Variants in EIF2D observed in about 807,000 individuals in gnomAD.
EIF2D encodes the protein hepatocellular carcinoma-associated antigen 56.
EIF2D carries 56 observed loss-of-function variants against 77.4 expected under a neutral mutation model. The ratio of observed to expected loss-of-function variants is 0.72; its 90% CI spans 0.58 to 0.90. The LOEUF (loss-of-function observed/expected upper bound fraction) is 0.90, where lower values mean the gene tolerates loss of function less well. EIF2D is among the 40% of genes least tolerant of loss of function. The pLI is 0.00. For missense variants in EIF2D, 574 were observed against 706.5 expected (o/e 0.81, Z 2.13); for synonymous variants, 230 against 271.0 (o/e 0.85, Z 1.49).
downstream of EIF2D, chr1:206,588,313 A>G (rs1450653019): frequency 2.0e-5 from 3 of 152,530 alleles, no homozygotes; most frequent in Non-Finnish European, 4.4e-5. Context: ...TTTGACTCCA[A>G]TCAGTGATAC....
At position 206,599,648 on chromosome 1, in the gene EIF2D, T is replaced by C. The variant is rs782641562; in HGVS notation, c.1053-36A>G. ...GCAGAAGGAAAGAAAAAACACATTT[T>C]ATACTAGCATCTCAGCAATCCCCAG... On this transcript the variant is annotated intron_variant, in intron 9 of 14. Transcript: ENST00000271764. This position sits in a 1 kb window ranked among gnomAD's most constrained non-coding sequence, Gnocchi z 4.1. The C allele has an allele frequency of 6.2e-7, 1 of 1,605,412 alleles. No homozygotes were observed. The highest frequency in any genetic ancestry group is 1.1e-5 in the South Asian group (1 of 90,210).
intron 11 of EIF2D, 30 bp from the exon 12 acceptor site, chr1:206,597,225 T>C: frequency 3.8e-6 from 6 of 1,559,530 alleles, no homozygotes; most frequent in Non-Finnish European, 4.4e-6. Context: ...AATGAAGAAA[T>C]CCTAGACTTG....
At chr1:206,577,671 G>T (rs188620218) in intron 4 of EIF2D, among the ~76,000 whole-genome samples, 5 of 152,328 alleles carry the variant, frequency 3.3e-5, no homozygotes, top group Admixed American at 3.3e-4. Flanking sequence ...GACAAGACAG[G>T]CGTGGGTGCT....
intron 2 of EIF2D, among the ~76,000 whole-genome samples, chr1:206,610,535 T>A (rs1553413675): frequency 6.6e-6 from 1 of 151,286 alleles, no homozygotes; most frequent in Non-Finnish European, 1.5e-5. Context: ...ATATATATAT[T>A]TTTGGCCAGG....
chr1:206,583,621 T>C (rs1319048487), intron 2 of EIF2D: 1 of 488,408 alleles, frequency 2.0e-6, no homozygotes, highest in East Asian at 3.8e-5. Context: ...CTCTTTTAAC[T>C]CCTCCTCTGA....
At position 206,612,313 on chromosome 1, in the gene EIF2D, G is replaced by A. The variant is rs1670541847; in HGVS notation, c.30C>T (p.Ser10=). The change falls in exon 1 of 15, where the codon TCC becomes TCT. Residue 10 remains serine, a synonymous_variant. Transcript: ENST00000271764. MFAKAFRVK[S]NTAIKGSDRR... ...TGTCCGACCCCTTGATGGCCGTGTT[G>A]GACTTGACCCGAAAGGCCTTGGCAA... is the stretch of plus-strand genomic sequence containing the variant. 2 of 1,614,246 alleles carry A rather than the reference G, an allele frequency of 1.2e-6. No individual in the cohort carries two copies. Among genetic ancestry groups the A allele is most frequent in the Non-Finnish European group, 1.7e-6 (2 of 1,180,040 alleles).
Position 206,603,146 on chromosome 1 carries a change from C to G in EIF2D, c.589G>C (p.Asp197His). 6.2e-7 allele frequency: 1 copy of G among 1,614,158 alleles called. No homozygotes were observed. Among genetic ancestry groups the G allele is most frequent in the Non-Finnish European group, 8.5e-7 (1 of 1,180,046 alleles). Residue 197 changes from aspartate (D) to histidine (H), a missense_variant, in exon 6 of 15, where the codon GAT becomes CAT. Transcript: ENST00000271764. ...SIAPLALDSA[D>H]LSEEKGSVQM... ...ACAGACCCCTTCTCTTCACTGAGAT[C>G]TGCTGAATCCAGGGCCAGTGGAGCA... is the stretch of plus-strand genomic sequence containing the variant.
At chr1:206,600,429 T>G (rs1440008777) in intron 7 of EIF2D, 121 bp from the exon 8 acceptor site, 1 of 840,158 alleles carries the variant, frequency 1.2e-6, no homozygotes, top group Non-Finnish European at 1.9e-6. Flanking sequence ...GAGGCCACTG[T>G]GCCAGAACTC....
intron 4 of EIF2D, chr1:206,572,846 C>T (rs575319442): frequency 1.3e-5 from 2 of 151,888 alleles, no homozygotes; most frequent in South Asian, 4.2e-4. Context: ...GCCCTTGGCC[C>T]CAAAGACAAA....
chr1:206,578,243 T>G (rs949930575), intron 4 of EIF2D, among the ~76,000 whole-genome samples: 8 of 150,072 alleles, frequency 5.3e-5, no homozygotes, highest in Admixed American at 1.3e-4. Context: ...AGTGTGTGTG[T>G]GTGTGTGTGT....
At chr1:206,600,773 G>A (rs1553411158) in intron 7 of EIF2D, 1 of 155,764 alleles carries the variant, frequency 6.4e-6, no homozygotes, top group African/African-American at 2.4e-5. Context: ...GGGCAGCCAG[G>A]CCTGGAGTGG....
In EIF2D at chr1:206,607,728, T is replaced by A. The variant is rs143023673; in HGVS notation, c.422+508A>T. ...ACAAAAAAGGTCACAAACAGGAGAC[T>A]AAGGAGACATGACAACTAAATGGAA... On this transcript the variant is annotated intron_variant, in intron 4 of 14. Coordinates refer to ENST00000271764, the MANE Select transcript of EIF2D (RefSeq NM_006893.3). Among the ~76,000 whole-genome samples the A allele has an allele frequency of 2.6e-5, 4 of 152,096 alleles. No homozygotes were observed. In the East Asian group the frequency reaches 7.7e-4, roughly 29 times the overall value.
chr1:206,585,373 T>A (rs782557253), intron 2 of EIF2D: 1 of 1,034,024 alleles, frequency 9.7e-7, no homozygotes, highest in Non-Finnish European at 1.5e-6. Flanking sequence ...CCTAACTACC[T>A]CACATAGGTG....
downstream of EIF2D, among the ~76,000 whole-genome samples, chr1:206,569,947 G>A (rs144004774): frequency 2.0e-5 from 3 of 152,210 alleles, no homozygotes; most frequent in African/African-American, 7.2e-5. Context: ...CTCCTCGCTT[G>A]GAATACAGAA....
downstream of EIF2D, among the ~76,000 whole-genome samples, chr1:206,590,428 A>G (rs1261843809): frequency 6.6e-6 from 1 of 152,244 alleles, no homozygotes; most frequent in Non-Finnish European, 1.5e-5. Context: ...AACTTTGCAC[A>G]GTGCTATATT....
chr1:206,573,276 CAAT>C (rs1668516105), intron 4 of EIF2D, among the ~76,000 whole-genome samples: 1 of 152,092 alleles, frequency 6.6e-6, no homozygotes, highest in Non-Finnish European at 1.5e-5. Context: ...TCCCGTGAGG[CAAT>C]AAAGGATTTT....
downstream of EIF2D, among the ~76,000 whole-genome samples, chr1:206,590,198 T>C (rs757092865): frequency 3.3e-5 from 5 of 152,174 alleles, no homozygotes; most frequent in Non-Finnish European, 7.4e-5. Flanking sequence ...TGCAAATGTG[T>C]CACCGTTACT....
rs781818549 is a variant in EIF2D at position 206,593,806 on chromosome 1, T to C, written c.1510-13A>G. On this transcript the variant is annotated splice_polypyrimidine_tract_variant and intron_variant, in intron 13 of 14. Coordinates refer to ENST00000271764, the MANE Select transcript of EIF2D (RefSeq NM_006893.3). The stretch of plus-strand genomic sequence containing the variant: ...GGACCACGGTCACCTGGGGGGACAG[T>C]GGGGACAGAGACTGACGGTGGTGAC... 2.0e-5 allele frequency: 32 copies of C among 1,589,802 alleles called. No individual in the cohort carries two copies. Among genetic ancestry groups the C allele is most frequent in the Non-Finnish European group, 2.7e-5 (31 of 1,162,630 alleles).
chr1:206,594,556 A>T (rs1366040726), intron 13 of EIF2D: 4 of 152,262 alleles, frequency 2.6e-5, no homozygotes, highest in Admixed American at 1.3e-4. Context: ...GCTATCAATA[A>T]AGACTATAAA....
Sources: allele counts gnomAD v4.1 joint callset (sites outside exome capture counted in the v4.1 genomes callset), GRCh38; gene constraint gnomAD v4.1.1; non-coding constraint Gnocchi (gnomAD v3.1); transcripts MANE v1.5; gene names NCBI Gene and HGNC (gene_info 2026-07-23, HGNC 2026-07-21).